The following TSHZ1 variants were observed in gnomAD, a reference collection of about 807,000 sequenced individuals.
TSHZ1 encodes teashirt zinc finger homeobox 1.
TSHZ1 carries 12 observed loss-of-function variants against 67.1 expected under a neutral mutation model. That is an observed-to-expected ratio of 0.18 (90% CI 0.11 to 0.29). The LOEUF (loss-of-function observed/expected upper bound fraction) is 0.29, where lower values mean the gene tolerates loss of function less well. Among genes scored for constraint, TSHZ1 ranks in the 10% least tolerant of loss-of-function variants. The probability of loss-of-function intolerance (pLI) is 1.00; values close to 1 mark genes in which losing one functional copy is unlikely to be tolerated. For synonymous variants in TSHZ1, 632 were observed against 622.4 expected (o/e 1.02, Z -0.23); for missense variants, 1,305 against 1,413.9 (o/e 0.92, Z 1.23).
intron 1 of TSHZ1, among the ~76,000 whole-genome samples, chr18:75,278,616 C>T (rs965949422): frequency 1.3e-5 from 2 of 151,940 alleles, no homozygotes; most frequent in Non-Finnish European, 2.9e-5. Context: ...CTCAGCGCAC[C>T]GTGAAAGACC....
intron 1 of TSHZ1, among the ~76,000 whole-genome samples, chr18:75,229,222 G>T (rs1198990058): frequency 6.6e-6 from 1 of 152,268 alleles, no homozygotes; most frequent in African/African-American, 2.4e-5. Flanking sequence ...CAGCTTTGAT[G>T]CTCAGAGAGT....
rs774528880 is a variant in TSHZ1 at position 75,288,031 on chromosome 18, C to T, written c.2624C>T (p.Ala875Val). 149 of 1,613,986 alleles carry T rather than the reference C, an allele frequency of 9.2e-5. No homozygotes were observed. The highest frequency in any genetic ancestry group is 1.9e-4 in the South Asian group (17 of 91,080). Residue 875 changes from alanine (A) to valine (V), a missense_variant, in exon 2 of 2, where the codon GCG becomes GTG. Coordinates refer to ENST00000580243, the MANE Select transcript of TSHZ1 (RefSeq NM_001308210.2). The surrounding 1 kb of genome is among the most constrained non-coding windows in gnomAD (Gnocchi z 4.9). ...SDADGSSFEE[A>V]LDELSPVHKR... ...GCTGATGGCAGCAGCTTTGAGGAGG[C>T]GTTGGACGAGCTGTCACCGGTCCAC...
chr18:75,255,693 A>G (rs1172902711), intron 1 of TSHZ1, among the ~76,000 whole-genome samples: 1 of 152,208 alleles, frequency 6.6e-6, no homozygotes, highest in African/African-American at 2.4e-5. Flanking sequence ...TTTCTAGGAA[A>G]TTACTTTTCA....
In TSHZ1 at chr18:75,287,420, C is replaced by A. The variant is rs765798597; in HGVS notation, c.2013C>A (p.Ser671=). The change falls in exon 2 of 2, where the codon TCC becomes TCA. Residue 671 remains serine, a synonymous_variant. Transcript: ENST00000580243. The surrounding 1 kb of genome is among the most constrained non-coding windows in gnomAD (Gnocchi z 5.0). ...AGAGCTCCCTGGCCAAGGCTGCGTC[C>A]CCCATAGCAAAAGAGAATAAAGATT... ...KEKSSLAKAA[S]PIAKENKDFP... is the part of the protein sequence containing the mutation. 1.2e-6 allele frequency: 2 copies of A among 1,614,152 alleles called. No homozygotes were observed. The highest frequency in any genetic ancestry group is 8.5e-7 in the Non-Finnish European group (1 of 1,180,040).
chr18:75,272,736 T>C (rs913257654), intron 1 of TSHZ1, among the ~76,000 whole-genome samples: 6 of 152,242 alleles, frequency 3.9e-5, no homozygotes, highest in Non-Finnish European at 5.9e-5. Context: ...ATAGCGTCGT[T>C]GTCAATCCAA....
rs551808691 is a variant in TSHZ1 at position 75,248,834 on chromosome 18, G to A, written c.41-36614G>A. 2.6e-5 allele frequency among the ~76,000 whole-genome samples: 4 copies of A among 152,292 alleles called. No individual in the cohort carries two copies. In the East Asian group the frequency reaches 7.7e-4, roughly 29 times the overall value. ...TAATTACCCTCTGTGGTGTCTGCAC[G>A]CTCTGCTAAGTCTTGTGTGGGGGAA... is the stretch of plus-strand genomic sequence containing the variant. On this transcript the variant is annotated intron_variant, in intron 1 of 1. Transcript: ENST00000580243.
intron 1 of TSHZ1, among the ~76,000 whole-genome samples, chr18:75,229,949 C>T (rs534660020): frequency 6.6e-6 from 1 of 152,190 alleles, no homozygotes; most frequent in African/African-American, 2.4e-5. Flanking sequence ...CATTATACAT[C>T]TACTTGTGGA....
chr18:75,223,778 T>A (rs928949678), intron 1 of TSHZ1, among the ~76,000 whole-genome samples: 6 of 152,026 alleles, frequency 3.9e-5, no homozygotes, highest in African/African-American at 1.4e-4. Context: ...TGAGCACTAA[T>A]CAATCTTCCA....
chr18:75,267,408 T>C (rs2023502432), intron 1 of TSHZ1, among the ~76,000 whole-genome samples: 1 of 152,186 alleles, frequency 6.6e-6, no homozygotes, highest in African/African-American at 2.4e-5. Flanking sequence ...AGGTTTGGCA[T>C]ATGGAATAAG....
At chr18:75,238,790 A>C (rs752769413) in intron 1 of TSHZ1, among the ~76,000 whole-genome samples, 1 of 152,220 alleles carries the variant, frequency 6.6e-6, no homozygotes, top group African/African-American at 2.4e-5. Flanking sequence ...ATCTTAAAAA[A>C]CTGAAAATGT....
chr18:75,275,387 G>A (rs2023603467), intron 1 of TSHZ1, among the ~76,000 whole-genome samples: 1 of 152,174 alleles, frequency 6.6e-6, no homozygotes, highest in South Asian at 2.1e-4. Context: ...GAAGGTAACT[G>A]GGTTATCAGG....
At chr18:75,227,699 G>A (rs1364903892) in intron 1 of TSHZ1, among the ~76,000 whole-genome samples, 2 of 152,212 alleles carry the variant, frequency 1.3e-5, no homozygotes, top group East Asian at 3.8e-4. Context: ...GTTATTTACA[G>A]CATCAGATAC....
At chr18:75,257,058 A>G (rs1199840083) in intron 1 of TSHZ1, among the ~76,000 whole-genome samples, 1 of 152,212 alleles carries the variant, frequency 6.6e-6, no homozygotes, top group African/African-American at 2.4e-5. Flanking sequence ...TCAAAGATGT[A>G]TGTGAAACAC....
chr18:75,226,834 C>T (rs1443425945), intron 1 of TSHZ1, among the ~76,000 whole-genome samples: 7 of 152,188 alleles, frequency 4.6e-5, no homozygotes, highest in Non-Finnish European at 7.3e-5. Flanking sequence ...CCTCTGTGAG[C>T]CCCTTGCCAG....
chr18:75,244,958 C>T (rs1405229242), intron 1 of TSHZ1, among the ~76,000 whole-genome samples: 2 of 152,076 alleles, frequency 1.3e-5, no homozygotes, highest in Admixed American at 6.6e-5. Flanking sequence ...TTCTCTCCAC[C>T]TTCCCCCATC....
At chr18:75,251,891 C>T (rs2023308998) in intron 1 of TSHZ1, among the ~76,000 whole-genome samples, 1 of 152,128 alleles carries the variant, frequency 6.6e-6, no homozygotes, top group East Asian at 1.9e-4. Context: ...CAGTCCCCAC[C>T]TTCTGTTGTC....
At chr18:75,234,121 T>G (rs965210833) in intron 1 of TSHZ1, among the ~76,000 whole-genome samples, 2 of 152,224 alleles carry the variant, frequency 1.3e-5, no homozygotes, top group African/African-American at 2.4e-5. Context: ...AAATCTATTC[T>G]GCAAGTGTGG....
At chr18:75,283,708 TTG>T (rs149492827) in intron 1 of TSHZ1, 6 of 151,650 alleles carry the variant, frequency 4.0e-5, no homozygotes, top group Admixed American at 6.6e-5. Flanking sequence ...TCGTCTCTCA[TTG>T]TGTGTGTGTG....
intron 1 of TSHZ1, among the ~76,000 whole-genome samples, chr18:75,237,236 G>T (rs954201062): frequency 3.3e-5 from 5 of 152,198 alleles, no homozygotes; most frequent in Non-Finnish European, 7.3e-5. Flanking sequence ...AATAAGAACA[G>T]TCAGGCCAGG....
Sources: allele counts gnomAD v4.1 joint callset (sites outside exome capture counted in the v4.1 genomes callset), GRCh38; gene constraint gnomAD v4.1.1; non-coding constraint Gnocchi (gnomAD v3.1); transcripts MANE v1.5; gene names NCBI Gene and HGNC (gene_info 2026-07-23, HGNC 2026-07-21).